Variants in IAH1 observed in about 807,000 individuals in gnomAD.
IAH1 encodes isoamyl acetate-hydrolyzing esterase 1 homolog.
In IAH1, 24 loss-of-function variants were observed where a neutral mutation model predicts 26.7. The ratio of observed to expected loss-of-function variants is 0.90; its 90% CI spans 0.65 to 1.26. The LOEUF (loss-of-function observed/expected upper bound fraction) is 1.26. Among genes scored for constraint, IAH1 ranks in the 50% most tolerant of loss-of-function variants. The probability of loss-of-function intolerance (pLI) is 0.00; values close to 1 mark genes in which losing one functional copy is unlikely to be tolerated. For synonymous variants in IAH1, 140 were observed against 118.5 expected (o/e 1.18, Z -1.18); for missense variants, 300 against 299.9 (o/e 1.00, Z 0.00).
chr2:9,503,736 G>A, the IAH1 span, among the ~76,000 whole-genome samples: 1 of 151,858 alleles, frequency 6.6e-6, no homozygotes, highest in African/African-American at 2.4e-5. Context: ...TACTGGGGAG[G>A]CTGAGGCAGG....
chr2:9,489,997 CT>C (rs1485111636), downstream of IAH1: 1 of 556,976 alleles, frequency 1.8e-6, no homozygotes, highest in Middle Eastern at 4.8e-4. Context: ...TTCACCTTAC[CT>C]TTTCAAAAGG....
chr2:9,502,061 A>G, the IAH1 span: 3 of 950,568 alleles, frequency 3.2e-6, no homozygotes, highest in Non-Finnish European at 4.8e-6. Context: ...TCAACCCGGC[A>G]TATGAGATTA....
At chr2:9,489,894 C>A (rs769827227), downstream of IAH1, 14 of 341,252 alleles carry the variant, frequency 4.1e-5, no homozygotes, top group Non-Finnish European at 7.5e-5. Flanking sequence ...ATATTCATAA[C>A]CCAATCCAGC....
chr2:9,492,020 C>G (rs1662197278), downstream of IAH1, among the ~76,000 whole-genome samples: 1 of 152,224 alleles, frequency 6.6e-6, no homozygotes, highest in Admixed American at 6.5e-5. Context: ...TAGAGATCTT[C>G]CTATACCCAT....
chr2:9,493,752 G>T (rs1200631089), downstream of IAH1: 2 of 1,613,420 alleles, frequency 1.2e-6, no homozygotes, highest in Non-Finnish European at 1.7e-6. Context: ...CCTACCAAAA[G>T]TATTGATGCT....
At chr2:9,490,200 CA>C, downstream of IAH1, 1 of 1,597,188 alleles carries the variant, frequency 6.3e-7, no homozygotes, top group Non-Finnish European at 8.6e-7. Flanking sequence ...TCTTTGCTGT[CA>C]ACACGATTCT....
downstream of IAH1, chr2:9,490,403 G>T: frequency 6.2e-7 from 1 of 1,614,204 alleles, no homozygotes; most frequent in Non-Finnish European, 8.5e-7. Flanking sequence ...TTTTGGAGCT[G>T]CTGGCGCCGA....
intron 5 of IAH1, among the ~76,000 whole-genome samples, chr2:9,487,833 T>TGTGCGCGC (rs1192269311): frequency 3.6e-5 from 3 of 82,706 alleles, no homozygotes; most frequent in Admixed American, 1.1e-4. Context: ...TGTGTGTGTG[T>TGTGCGCGC]GCGCGCGCGC....
downstream of IAH1, among the ~76,000 whole-genome samples, chr2:9,492,319 G>C (rs902291321): frequency 7.2e-5 from 11 of 152,180 alleles, no homozygotes; most frequent in African/African-American, 2.7e-4. Context: ...AATTTATAAA[G>C]GACCAGGAGT....
At chr2:9,478,515 TG>T in intron 3 of IAH1, 145 bp downstream of exon 3, 1 of 729,192 alleles carries the variant, frequency 1.4e-6, no homozygotes, top group Non-Finnish European at 2.2e-6. Context: ...TATGTATTCC[TG>T]GCTTTAACAC....
At position 9,474,857 on chromosome 2, in the gene IAH1, C is replaced by T. The variant is rs1042183654; in HGVS notation, c.81+210C>T. 328 of 524,722 alleles carry T rather than the reference C, an allele frequency of 6.3e-4. No individual in the cohort carries two copies. The highest frequency in any genetic ancestry group is 2.0e-3 in the South Asian group (46 of 22,776). The allele number at this position is 524,722 out of a possible 1,614,324, so 32.5% of individuals were successfully genotyped here. The stretch of plus-strand genomic sequence containing the variant: ...GTCCCGGAGGTCACGACGGCGTCCG[C>T]GAGAGCCCGGGCTCCAGGCACAGAC... On this transcript the variant is annotated intron_variant, in intron 1 of 5. Coordinates refer to ENST00000497473, the MANE Select transcript of IAH1 (RefSeq NM_001039613.3). This position sits in a 1 kb window ranked among gnomAD's most constrained non-coding sequence, Gnocchi z 4.3.
downstream of IAH1, among the ~76,000 whole-genome samples, chr2:9,501,345 G>C (rs966454485): frequency 6.6e-6 from 1 of 152,174 alleles, no homozygotes; most frequent in Admixed American, 6.5e-5. Flanking sequence ...GTCAGGATAA[G>C]GAGTCCTCAG....
chr2:9,478,339 T>C lies in IAH1; in HGVS notation c.252T>C (p.Ile84=). 6.2e-7 allele frequency: 1 copy of C among 1,611,212 alleles called. No individual in the cohort carries two copies. Among genetic ancestry groups the C allele is most frequent in the Non-Finnish European group, 8.5e-7 (1 of 1,178,476 alleles). The change falls in exon 3 of 6, where the codon ATT becomes ATC. Residue 84 remains isoleucine (I), a synonymous_variant. Transcript: ENST00000497473. ...TGGACATCCCAGTAGCAGTTACAAT[T>C]TTCTTTGGGGCCAATGACAGTGCAC... The part of the protein sequence containing the change: ...NSLDIPVAVT[I]FFGANDSALK...
the IAH1 span, among the ~76,000 whole-genome samples, chr2:9,502,472 G>A: frequency 6.6e-6 from 1 of 152,114 alleles, no homozygotes; most frequent in Non-Finnish European, 1.5e-5. Flanking sequence ...ATGTGCGTGA[G>A]GTCACATAAA....
upstream of IAH1, chr2:9,474,488 G>A (rs1682348877): frequency 2.4e-6 from 2 of 835,032 alleles, no homozygotes; most frequent in Non-Finnish European, 3.3e-6. This position sits in a 1 kb window ranked among gnomAD's most constrained non-coding sequence, Gnocchi z 4.3. Flanking sequence ...CACGAGCCCG[G>A]CTCCCGCAAC....
At chr2:9,492,315 T>C (rs1662220065), downstream of IAH1, among the ~76,000 whole-genome samples, 2 of 152,230 alleles carry the variant, frequency 1.3e-5, no homozygotes, top group Admixed American at 1.3e-4. Flanking sequence ...CTCAAATTTA[T>C]AAAGGACCAG....
At chr2:9,485,836 G>C (rs1661444888) in intron 5 of IAH1, 1 of 152,212 alleles carries the variant, frequency 6.6e-6, no homozygotes. Context: ...TTGTTCAGTA[G>C]GGCACATTAA....
chr2:9,509,917 A>C, the IAH1 span: 3 of 1,584,516 alleles, frequency 1.9e-6, no homozygotes, highest in Non-Finnish European at 2.6e-6. Context: ...CTGAGCTCTC[A>C]TTATGATCAT....
chr2:9,491,049 A>AC, downstream of IAH1: 1 of 1,533,942 alleles, frequency 6.5e-7, no homozygotes, highest in South Asian at 1.2e-5. Flanking sequence ...TCTTTGCCTA[A>AC]CAGGGCCTCA....
Sources: allele counts gnomAD v4.1 joint callset (sites outside exome capture counted in the v4.1 genomes callset), GRCh38; gene constraint gnomAD v4.1.1; non-coding constraint Gnocchi (gnomAD v3.1); transcripts MANE v1.5; gene names NCBI Gene and HGNC (gene_info 2026-07-23, HGNC 2026-07-21).